Variants in TSC22D1 observed in about 807,000 individuals in gnomAD.
TSC22D1 encodes the protein TSC22 domain family member 1, also known as TSC22 domain family protein 1.
In TSC22D1, 9 loss-of-function variants were observed where a neutral mutation model predicts 74.2. The ratio of observed to expected loss-of-function variants is 0.12; its 90% CI spans 0.07 to 0.21. The LOEUF is 0.21. Among genes scored for constraint, TSC22D1 ranks in the 10% least tolerant of loss-of-function variants. The probability of loss-of-function intolerance (pLI) is 1.00; values close to 1 mark genes in which losing one functional copy is unlikely to be tolerated. For missense variants in TSC22D1, 1,427 were observed against 1,304.7 expected (o/e 1.09, Z -1.44); for synonymous variants, 586 against 492.5 (o/e 1.19, Z -2.51).
At chr13:44,568,867 G>C (rs1248826897) in intron 1 of TSC22D1, among the ~76,000 whole-genome samples, 1 of 152,158 alleles carries the variant, frequency 6.6e-6, no homozygotes, top group East Asian at 1.9e-4. Flanking sequence ...AGACAGGTGG[G>C]GATGGAGCAG....
At chr13:44,527,405 G>T (rs1880598966) in intron 1 of TSC22D1, among the ~76,000 whole-genome samples, 1 of 152,004 alleles carries the variant, frequency 6.6e-6, no homozygotes, top group African/African-American at 2.4e-5. Flanking sequence ...GAAATAATTG[G>T]TAATGCTATG....
At chr13:44,542,963 C>T (rs1881570744) in intron 1 of TSC22D1, among the ~76,000 whole-genome samples, 1 of 152,106 alleles carries the variant, frequency 6.6e-6, no homozygotes, top group Non-Finnish European at 1.5e-5. Context: ...GCAAGACTTA[C>T]ATTTCAACCA....
chr13:44,506,342 T>C (rs1364356359), intron 1 of TSC22D1, among the ~76,000 whole-genome samples: 1 of 152,126 alleles, frequency 6.6e-6, no homozygotes, highest in Non-Finnish European at 1.5e-5. Flanking sequence ...GGGTCATGGA[T>C]AGAGCTGGAA....
At chr13:44,440,017 GCTGT>G (rs772190919) in intron 1 of TSC22D1, among the ~76,000 whole-genome samples, 27 of 152,162 alleles carry the variant, frequency 1.8e-4, no homozygotes, top group Non-Finnish European at 3.2e-4. Flanking sequence ...CCAAATCACT[GCTGT>G]CTAAGGACTC....
chr13:44,574,729 TCCA>T lies in TSC22D1; in HGVS notation c.1343_1345del (p.Val448del), dbSNP rs201688574. On this transcript the variant is annotated inframe_deletion, in exon 1 of 3. Coordinates refer to ENST00000458659, the MANE Select transcript of TSC22D1 (RefSeq NM_183422.4). ...TTCTATCGGATTTTGCTTTACAGTC[TCCA>T]CCACTTTATTTATCAGCACACCTTC... is the stretch of plus-strand genomic sequence containing the variant. 0.014 allele frequency: 22,975 copies of T among 1,614,096 alleles called. 241 individuals carry two copies. Among genetic ancestry groups the T allele is most frequent in the Admixed American group, 0.04 (2,425 of 60,022 alleles).
intron 1 of TSC22D1, among the ~76,000 whole-genome samples, chr13:44,490,922 C>T (rs1014428471): frequency 4.3e-5 from 6 of 140,786 alleles, no homozygotes; most frequent in Middle Eastern, 3.9e-3. Context: ...AATGAAACTC[C>T]GTCTCATTAA....
chr13:44,481,047 G>T (rs1878154480), intron 1 of TSC22D1, among the ~76,000 whole-genome samples: 1 of 152,222 alleles, frequency 6.6e-6, no homozygotes, highest in African/African-American at 2.4e-5. Context: ...GAGAGCTGGG[G>T]AGAGAAGCCA....
At chr13:44,435,461 G>A (rs548834092) in intron 2 of TSC22D1, among the ~76,000 whole-genome samples, 1 of 152,212 alleles carries the variant, frequency 6.6e-6, no homozygotes, top group Admixed American at 6.5e-5. Flanking sequence ...AGAGAATCCC[G>A]TGAGAAGAGC....
At chr13:44,443,155 A>G (rs1875348380) in intron 1 of TSC22D1, among the ~76,000 whole-genome samples, 1 of 152,122 alleles carries the variant, frequency 6.6e-6, no homozygotes, top group Non-Finnish European at 1.5e-5. Context: ...GAAGTCGACA[A>G]GGTGTATCAT....
In TSC22D1 at chr13:44,547,207, G is replaced by A. The variant is rs537625929; in HGVS notation, c.2912+25956C>T. 3.3e-5 allele frequency among the ~76,000 whole-genome samples: 5 copies of A among 152,044 alleles called. No homozygotes were observed. The East Asian group carries it at 7.7e-4, about 23-fold the overall frequency. On this transcript the variant is annotated intron_variant, in intron 1 of 2. Coordinates refer to ENST00000458659, the MANE Select transcript of TSC22D1 (RefSeq NM_183422.4). ...GAGAAATTAAGAAACATAAATCTCCGATTTTTCATTCAGATGAAAAATTTA... is the reference window on the plus strand; with the variant it reads ...GAGAAATTAAGAAACATAAATCTCCAATTTTTCATTCAGATGAAAAATTTA...
rs971857378 is a variant in TSC22D1 at position 44,432,613 on chromosome 13, T to C, written c.*2013A>G. On this transcript the variant is annotated 3_prime_UTR_variant, in exon 3 of 3. Coordinates refer to ENST00000458659, the MANE Select transcript of TSC22D1 (RefSeq NM_183422.4). ...ACACATGCACGCTATCGAACAATTC[T>C]TTTTAGGGATCTTGGATGTCCCATT... The C allele has an allele frequency of 1.3e-5, 2 of 152,178 alleles. No individual in the cohort carries two copies. Among genetic ancestry groups the C allele is most frequent in the Non-Finnish European group, 1.5e-5 (1 of 68,030 alleles). The allele number at this position is 152,178 out of a possible 1,614,324, so 9.4% of individuals were successfully genotyped here.
chr13:44,532,174 C>T (rs187982822), intron 1 of TSC22D1, among the ~76,000 whole-genome samples: 73 of 152,286 alleles, frequency 4.8e-4, no homozygotes, highest in Admixed American at 3.2e-3. Context: ...GGCTGTAACA[C>T]TGAGTCAATT....
rs967682281 is a variant in TSC22D1 at position 44,544,557 on chromosome 13, A to C, written c.2912+28606T>G. Among the ~76,000 whole-genome samples, 72 of 151,316 alleles carry C rather than the reference A, an allele frequency of 4.8e-4. 1 individual carries two copies. The highest frequency in any genetic ancestry group is 6.6e-4 in the Non-Finnish European group (45 of 67,894). The stretch of plus-strand genomic sequence containing the variant: ...TTTTTTTTAATTAAAAAAAAAAAAA[A>C]CCAACGGGAAGGAAGTCTGAACTTA... On this transcript the variant is annotated intron_variant, in intron 1 of 2. Transcript: ENST00000458659.
At chr13:44,501,913 T>C (rs1403460851) in intron 1 of TSC22D1, among the ~76,000 whole-genome samples, 3 of 152,218 alleles carry the variant, frequency 2.0e-5, no homozygotes, top group Non-Finnish European at 4.4e-5. Flanking sequence ...TTAACCTACC[T>C]AAAATTGTAC....
In TSC22D1 at chr13:44,575,129, CATT is replaced by C. The variant is rs773396402; in HGVS notation, c.943_945del (p.Asn315del). The C allele has an allele frequency of 1.7e-5, 28 of 1,614,202 alleles. No homozygotes were observed. The highest frequency in any genetic ancestry group is 2.2e-5 in the Non-Finnish European group (26 of 1,180,040). ...AAACTACCCACAGCAGTAATGTTAACATTATTTACTGTACTAGTGCCAGTAACA... is the reference window on the plus strand; with the variant it reads ...AAACTACCCACAGCAGTAATGTTAACATTTACTGTACTAGTGCCAGTAACA... On this transcript the variant is annotated inframe_deletion, in exon 1 of 3. Transcript: ENST00000458659.
intron 1 of TSC22D1, among the ~76,000 whole-genome samples, chr13:44,571,806 G>A (rs12855591): frequency 0.016 from 2,411 of 152,062 alleles, 24 homozygotes; most frequent in Non-Finnish European, 0.026. Context: ...TAGGTAACAA[G>A]GTTTTAATTA....
chr13:44,509,951 A>AAAAAAAAAAAAAAAAAAAAACC (rs1879626583), intron 1 of TSC22D1, among the ~76,000 whole-genome samples: 1 of 37,748 alleles, frequency 2.6e-5, no homozygotes, highest in Non-Finnish European at 4.8e-5. Context: ...GAAAATAAGC[A>AAAAAAAAAAAAAAAAAAAAACC]AAAAAAAAAA....
chr13:44,551,424 G>GT (rs1269794399), intron 1 of TSC22D1, among the ~76,000 whole-genome samples: 1 of 151,458 alleles, frequency 6.6e-6, no homozygotes, highest in Non-Finnish European at 1.5e-5. Flanking sequence ...GTGTGTGTGT[G>GT]TGTGTGTGTC....
At chr13:44,476,570 C>A (rs923813054) in intron 1 of TSC22D1, among the ~76,000 whole-genome samples, 3 of 152,118 alleles carry the variant, frequency 2.0e-5, no homozygotes, top group African/African-American at 7.2e-5. Context: ...TGAAGTCAAC[C>A]TTTAATTTAA....
Sources: allele counts gnomAD v4.1 joint callset (sites outside exome capture counted in the v4.1 genomes callset), GRCh38; gene constraint gnomAD v4.1.1; transcripts MANE v1.5; gene names NCBI Gene and HGNC (gene_info 2026-07-23, HGNC 2026-07-21).